The following DDI2 variants were observed in gnomAD, a reference collection of about 807,000 sequenced individuals.
DDI2 encodes protein DDI1 homolog 2.
DDI2 carries 5 observed loss-of-function variants against 48.1 expected under a neutral mutation model. That is an observed-to-expected ratio of 0.10 (90% CI 0.05 to 0.22). The LOEUF is 0.22. DDI2 is among the 10% of genes least tolerant of loss of function. The pLI is 1.00. For synonymous variants in DDI2, 205 were observed against 183.6 expected (o/e 1.12, Z -0.94); for missense variants, 285 against 506.2 (o/e 0.56, Z 4.19).
At chr1:15,621,427 CTG>C (rs1489527897) in intron 1 of DDI2, among the ~76,000 whole-genome samples, 1 of 152,054 alleles carries the variant, frequency 6.6e-6, no homozygotes, top group Non-Finnish European at 1.5e-5. Flanking sequence ...GGGTCTTGCT[CTG>C]TCACCTAGGC....
chr1:15,646,926 A>T (rs949160640), intron 6 of DDI2, among the ~76,000 whole-genome samples: 1 of 152,206 alleles, frequency 6.6e-6, no homozygotes, highest in East Asian at 1.9e-4. Context: ...ATCAACCACC[A>T]GTATCATTTG....
At chr1:15,620,746 G>A (rs1639647197) in intron 1 of DDI2, among the ~76,000 whole-genome samples, 1 of 151,990 alleles carries the variant, frequency 6.6e-6, no homozygotes, top group South Asian at 2.1e-4. Flanking sequence ...GGCCACATGT[G>A]CATATAATAC....
At chr1:15,658,736 A>G (rs1640312238) in intron 9 of DDI2, among the ~76,000 whole-genome samples, 2 of 141,544 alleles carry the variant, frequency 1.4e-5, no homozygotes, top group East Asian at 2.2e-4. Flanking sequence ...TCTGGGCAAC[A>G]AGAGCAAAAC....
chr1:15,629,596 C>CA (rs553217782), intron 2 of DDI2, among the ~76,000 whole-genome samples: 6,436 of 114,736 alleles, frequency 0.056, 261 homozygotes, highest in African/African-American at 0.12. Context: ...GACTCCGTGT[C>CA]AAAAAAAAAA....
chr1:15,653,653 T>C (rs1290532633), intron 8 of DDI2, among the ~76,000 whole-genome samples: 1 of 152,164 alleles, frequency 6.6e-6, no homozygotes, highest in Non-Finnish European at 1.5e-5. Flanking sequence ...CCTGCTACCA[T>C]GTCCAGCTAA....
intron 5 of DDI2, among the ~76,000 whole-genome samples, chr1:15,640,235 C>G (rs1483063531): frequency 3.3e-5 from 5 of 152,192 alleles, no homozygotes; most frequent in Non-Finnish European, 5.9e-5. Flanking sequence ...TGTATTGATT[C>G]CTTATTGTGT....
chr1:15,650,487 G>A (rs1379656534), intron 7 of DDI2, among the ~76,000 whole-genome samples: 3 of 152,174 alleles, frequency 2.0e-5, no homozygotes, highest in African/African-American at 4.8e-5. Context: ...GTACATGCCT[G>A]TAATTCCAGC....
At chr1:15,655,455 A>T (rs968348934) in intron 8 of DDI2, among the ~76,000 whole-genome samples, 47 of 87,586 alleles carry the variant, frequency 5.4e-4, no homozygotes, top group Non-Finnish European at 1.0e-3. Context: ...ACTTGTTTCT[A>T]AAAAAAAAAA....
Position 15,633,448 on chromosome 1 carries a change from C to T in DDI2, c.515C>T (p.Ser172Phe). ...ALLSGDLEKF[S>F]RVLVEQQQDR... ...TCCCTTATTTTTGTAGAGAAATTTT[C>T]TAGAGTCCTGGTGGAGCAGCAGCAG... is the stretch of plus-strand genomic sequence containing the variant. Residue 172 changes from serine (S) to phenylalanine (F), a missense_variant, in exon 4 of 10, where the codon TCT (serine) becomes TTT (phenylalanine). Physicochemically the swap from Ser to Phe is radical, Grantham distance 155. Coordinates refer to ENST00000480945, the MANE Select transcript of DDI2 (RefSeq NM_032341.5). 1 of 1,611,714 alleles carries T rather than the reference C, an allele frequency of 6.2e-7. No homozygotes were observed. The highest frequency in any genetic ancestry group is 8.5e-7 in the Non-Finnish European group (1 of 1,179,172).
chr1:15,617,635 G>T lies in DDI2; in HGVS notation c.-36G>T. The T allele has an allele frequency of 7.4e-7, 1 of 1,347,208 alleles. No homozygotes were observed. Among genetic ancestry groups the T allele is most frequent in the Non-Finnish European group, 9.6e-7 (1 of 1,037,426 alleles). 83.5% of individuals were successfully genotyped at this position (1,347,208 alleles called of 1,614,324 possible). On this transcript the variant is annotated 5_prime_UTR_variant, in exon 1 of 10. Coordinates refer to ENST00000480945, the MANE Select transcript of DDI2 (RefSeq NM_032341.5). ...TTCCCCTGCGCCCCGCGCCCAGGCC[G>T]GGCCGAGCCGAGCCGAGCCGGGTCG...
At chr1:15,656,460 A>G in intron 8 of DDI2, 157 bp from the exon 9 acceptor site, 5 of 1,521,316 alleles carry the variant, frequency 3.3e-6, no homozygotes, top group East Asian at 4.7e-5. Context: ...GCAACCAACA[A>G]ATATTTTGGA....
chr1:15,621,123 T>A (rs996938252), intron 1 of DDI2, among the ~76,000 whole-genome samples: 12 of 152,216 alleles, frequency 7.9e-5, no homozygotes, highest in African/African-American at 2.9e-4. Flanking sequence ...TTAATAGAAG[T>A]GTGGGCTTGG....
intron 7 of DDI2, among the ~76,000 whole-genome samples, chr1:15,651,148 C>T (rs902881697): frequency 5.3e-5 from 8 of 151,922 alleles, no homozygotes; most frequent in African/African-American, 1.9e-4. Flanking sequence ...CCACCACGCC[C>T]GGCTCACAGC....
At chr1:15,639,981 T>C (rs1390590909) in intron 5 of DDI2, among the ~76,000 whole-genome samples, 3 of 151,428 alleles carry the variant, frequency 2.0e-5, no homozygotes, top group Admixed American at 6.6e-5. Context: ...ATTGTGCCAC[T>C]GTGCCCCAGC....
chr1:15,648,201 G>A (rs980861682), intron 6 of DDI2, among the ~76,000 whole-genome samples: 3 of 152,150 alleles, frequency 2.0e-5, no homozygotes, highest in African/African-American at 4.8e-5. Flanking sequence ...ACCATAAACT[G>A]GTTCCTTCAG....
Position 15,667,132 on chromosome 1 carries a change from GGGAGGC to G in DDI2, c.*7348_*7353del, listed in dbSNP as rs1380228990. 6.6e-6 allele frequency: 1 copy of G among 152,064 alleles called. No individual in the cohort carries two copies. The highest frequency in any genetic ancestry group is 1.5e-5 in the Non-Finnish European group (1 of 68,068). The allele number at this position is 152,064 out of a possible 1,614,324, so 9.4% of individuals were successfully genotyped here. Reference sequence around the variant, plus strand: ...TGAGGCAGAAGAATCGCTTGAACCCGGGAGGCGGAGGTTGCAGTGAGCCGGGATCAC... The same window carrying G: ...TGAGGCAGAAGAATCGCTTGAACCCGGGAGGTTGCAGTGAGCCGGGATCAC... On this transcript the variant is annotated 3_prime_UTR_variant, in exon 10 of 10. Coordinates refer to ENST00000480945, the MANE Select transcript of DDI2 (RefSeq NM_032341.5).
intron 1 of DDI2, among the ~76,000 whole-genome samples, chr1:15,618,174 T>A (rs114336984): frequency 1.6e-4 from 25 of 151,854 alleles, no homozygotes; most frequent in African/African-American, 6.0e-4. Flanking sequence ...GAAGCAGCCC[T>A]GGGTTTGCTA....
chr1:15,669,012 G>C lies in DDI2; in HGVS notation c.*9222G>C, dbSNP rs569777480. The C allele has an allele frequency of 6.6e-6, 1 of 152,210 alleles. No homozygotes were observed. The highest frequency in any genetic ancestry group is 2.1e-4 in the South Asian group (1 of 4,822). The allele number at this position is 152,210 out of a possible 1,614,324, so 9.4% of individuals were successfully genotyped here. On this transcript the variant is annotated 3_prime_UTR_variant, in exon 10 of 10. Transcript: ENST00000480945. ...AGAAAAAGTGGTGTGTAAAACATTT[G>C]ATATTTAAGACAATAAAGTTTTTAT...
intron 3 of DDI2, among the ~76,000 whole-genome samples, chr1:15,633,156 T>G (rs540075385): frequency 7.2e-5 from 11 of 152,132 alleles, no homozygotes; most frequent in Admixed American, 2.6e-4. Flanking sequence ...CTCGAACTCC[T>G]AGGCTCAAAC....
Sources: gnomAD v4.1 joint callset for allele counts (sites outside exome capture counted in the v4.1 genomes callset) on GRCh38, gnomAD v4.1.1 for gene constraint, MANE v1.5 for transcripts, NCBI Gene and HGNC (gene_info 2026-07-23, HGNC 2026-07-21) for gene names.